Variants in ATP2B2 observed in about 807,000 individuals in gnomAD.
ATP2B2 encodes plasma membrane calcium-transporting ATPase 2.
In ATP2B2, 15 loss-of-function variants were observed where a neutral mutation model predicts 120.0. The ratio of observed to expected loss-of-function variants is 0.12; its 90% CI spans 0.08 to 0.19. The LOEUF is 0.19. Ranked by LOEUF, ATP2B2 falls within the 10% of genes least tolerant of loss-of-function variation. The pLI is 1.00. For missense variants in ATP2B2, 1,045 were observed against 1,719.8 expected (o/e 0.61, Z 6.94); for synonymous variants, 694 against 700.3 (o/e 0.99, Z 0.14).
chr3:10,421,744 C>T (rs2062987628), intron 2 of ATP2B2, among the ~76,000 whole-genome samples: 1 of 152,170 alleles, frequency 6.6e-6, no homozygotes, highest in Admixed American at 6.5e-5. Context: ...CTAGCCATGC[C>T]ACATTTATCC....
rs770675626 is a variant in ATP2B2, at chr3:10,338,385, G to A, written c.3238-27C>T. 23 of 1,613,430 alleles carry A rather than the reference G, an allele frequency of 1.4e-5. No homozygotes were observed. The East Asian group carries it at 2.5e-4, about 17-fold the overall frequency. On this transcript the variant is annotated intron_variant, in intron 21 of 22. Coordinates refer to ENST00000360273, the MANE Select transcript of ATP2B2 (RefSeq NM_001001331.4). ...TGCAAGGGACCCTGTCTGTCAGGAC[G>A]GTGGGGCTGTCCTTCCCAGTGGCCT... is the stretch of plus-strand genomic sequence containing the variant.
At chr3:10,692,603 A>AT (rs2071684146) in intron 1 of ATP2B2, among the ~76,000 whole-genome samples, 1 of 152,160 alleles carries the variant, frequency 6.6e-6, no homozygotes. Context: ...TGATCCTCTG[A>AT]TGGGAACAGT....
chr3:10,639,243 G>T (rs1159040507), intron 1 of ATP2B2, among the ~76,000 whole-genome samples: 1 of 152,218 alleles, frequency 6.6e-6, no homozygotes, highest in South Asian at 2.1e-4. Flanking sequence ...ATTCACTCCA[G>T]ATGGCTCCAA....
At chr3:10,349,791 G>C (rs2060525960) in intron 16 of ATP2B2, among the ~76,000 whole-genome samples, 1 of 152,150 alleles carries the variant, frequency 6.6e-6, no homozygotes, top group Non-Finnish European at 1.5e-5. Context: ...CATTTAAAAA[G>C]GCGCTGTACC....
At chr3:10,571,347 T>A (rs1014267237) in intron 2 of ATP2B2, among the ~76,000 whole-genome samples, 1 of 152,184 alleles carries the variant, frequency 6.6e-6, no homozygotes, top group Non-Finnish European at 1.5e-5. Context: ...GAGGGCCAGG[T>A]AGGTGACTCG....
At chr3:10,358,568 TC>T in intron 14 of ATP2B2, 122 bp downstream of exon 14, 1 of 950,502 alleles carries the variant, frequency 1.1e-6, no homozygotes, top group Admixed American at 2.0e-5. Flanking sequence ...AGGAAGGAAA[TC>T]CCCATGGGCA....
At chr3:10,651,740 T>TATGAATGG (rs2070469578) in intron 1 of ATP2B2, among the ~76,000 whole-genome samples, 1 of 125,600 alleles carries the variant, frequency 8.0e-6, no homozygotes, top group South Asian at 2.7e-4. Context: ...TGAATGCATG[T>TATGAATGG]ATGAATGGAT....
At chr3:10,505,216 G>A (rs757539832) in intron 1 of ATP2B2, among the ~76,000 whole-genome samples, 15 of 151,952 alleles carry the variant, frequency 9.9e-5, no homozygotes, top group Admixed American at 7.9e-4. Context: ...GCATCCAGCC[G>A]TCCCCCACAA....
At chr3:10,674,609 C>T (rs564974158) in intron 1 of ATP2B2, among the ~76,000 whole-genome samples, 2 of 152,172 alleles carry the variant, frequency 1.3e-5, no homozygotes, top group Non-Finnish European at 2.9e-5. Flanking sequence ...TATTTTTTAA[C>T]ATTTTAGTTC....
rs185901684 is a variant in ATP2B2, at chr3:10,449,675, G to C, written c.-132C>G. 473 of 1,107,540 alleles carry C rather than the reference G, an allele frequency of 4.3e-4. 1 individual carries two copies. In the African/African-American group the frequency reaches 6.2e-3, roughly 14 times the overall value. The allele number at this position is 1,107,540 out of a possible 1,614,324, so 68.6% of individuals were successfully genotyped here. On this transcript the variant is annotated 5_prime_UTR_variant, in exon 2 of 23. Transcript: ENST00000360273. ...CTGTGGCACCAGGCGGCCGACTCCG[G>C]GTCCCGGGGGGTGGGGGTGGCCGAG...
chr3:10,563,203 G>A (rs539486740), intron 2 of ATP2B2, among the ~76,000 whole-genome samples: 12 of 152,330 alleles, frequency 7.9e-5, no homozygotes, highest in African/African-American at 2.4e-4. Flanking sequence ...CTCACATTAA[G>A]CAATGAAGGA....
At chr3:10,378,908 G>GGACTGGAGGGCCCGT (rs1386063968) in intron 9 of ATP2B2, among the ~76,000 whole-genome samples, 1 of 152,204 alleles carries the variant, frequency 6.6e-6, no homozygotes, top group Non-Finnish European at 1.5e-5. Flanking sequence ...CATGCAGGAT[G>GGACTGGAGGGCCCGT]GACTGGAGGG....
rs749293495 is a variant in ATP2B2 at position 10,347,361 on chromosome 3, C to G, written c.2405-1224G>C. On this transcript the variant is annotated intron_variant, in intron 16 of 22. Coordinates refer to ENST00000360273, the MANE Select transcript of ATP2B2 (RefSeq NM_001001331.4). The surrounding 1 kb of genome is among the most constrained non-coding windows in gnomAD (Gnocchi z 5.2). ...AGCCTTTCTGACCCTCTGAGGATCC[C>G]TGCCTGCCCTTAATCAGATCCATGT... Among the ~76,000 whole-genome samples the G allele has an allele frequency of 1.3e-5, 2 of 152,218 alleles. No homozygotes were observed. The highest frequency in any genetic ancestry group is 1.3e-4 in the Admixed American group (2 of 15,286).
chr3:10,345,893 T>C lies in ATP2B2; in HGVS notation c.2511+138A>G, dbSNP rs1012797219. Reference sequence around the variant, plus strand: ...AGGAAGACCTCGGGGTCAGGCTGAGTCTCGAGAAGGGTGGGCACCCACGGC... The same window carrying C: ...AGGAAGACCTCGGGGTCAGGCTGAGCCTCGAGAAGGGTGGGCACCCACGGC... On this transcript the variant is annotated intron_variant, in intron 17 of 22. Coordinates refer to ENST00000360273, the MANE Select transcript of ATP2B2 (RefSeq NM_001001331.4). The C allele has an allele frequency of 2.5e-5, 22 of 871,804 alleles. No homozygotes were observed. The African/African-American group carries it at 3.7e-4, about 15-fold the overall frequency. 54.0% of individuals were successfully genotyped at this position (871,804 alleles called of 1,614,324 possible). A position where few individuals can be genotyped will look rare whatever the true frequency, so the allele number is the denominator to read the frequency against.
chr3:10,541,563 T>C (rs2067440428), intron 2 of ATP2B2, among the ~76,000 whole-genome samples: 1 of 152,234 alleles, frequency 6.6e-6, no homozygotes, highest in Non-Finnish European at 1.5e-5. Context: ...TCTAAGTGAT[T>C]GGATATTTTC....
At chr3:10,479,609 A>T (rs1179047552) in intron 1 of ATP2B2, among the ~76,000 whole-genome samples, 1 of 152,128 alleles carries the variant, frequency 6.6e-6, no homozygotes. Flanking sequence ...TTAAAAAATA[A>T]CAGTTATAGC....
chr3:10,512,477 C>CAG (rs1559431464), intron 3 of ATP2B2, among the ~76,000 whole-genome samples: 6 of 74,526 alleles, frequency 8.1e-5, no homozygotes, highest in African/African-American at 3.2e-4. Context: ...CACACACACA[C>CAG]ACACACACAC....
At chr3:10,702,397 C>G (rs780110901) in intron 1 of ATP2B2, among the ~76,000 whole-genome samples, 8 of 152,180 alleles carry the variant, frequency 5.3e-5, no homozygotes, top group Admixed American at 3.9e-4. Context: ...TGTCATTCTC[C>G]CAAAAGTACT....
chr3:10,624,060 T>C (rs1404339884), intron 1 of ATP2B2, among the ~76,000 whole-genome samples: 1 of 152,132 alleles, frequency 6.6e-6, no homozygotes, highest in African/African-American at 2.4e-5. Flanking sequence ...GTAGCTCCCA[T>C]CCCCCTTGTA....
Sources: allele counts gnomAD v4.1 joint callset (sites outside exome capture counted in the v4.1 genomes callset), GRCh38; gene constraint gnomAD v4.1.1; non-coding constraint Gnocchi (gnomAD v3.1); transcripts MANE v1.5; gene names NCBI Gene and HGNC (gene_info 2026-07-23, HGNC 2026-07-21).